Variants in TXNRD1 observed in about 807,000 individuals in gnomAD.
TXNRD1 encodes thioredoxin reductase 1, cytoplasmic.
Under a neutral mutation model 80.3 loss-of-function variants are expected in TXNRD1, and 57 were observed. The observed-to-expected ratio is 0.71, with a 90% CI of 0.57 to 0.89. The LOEUF is 0.89. Ranked by LOEUF, TXNRD1 falls within the 40% of genes least tolerant of loss-of-function variation. The pLI is 0.00. For missense variants in TXNRD1, 730 were observed against 803.0 expected, an observed-to-expected ratio of 0.91 and a Z score of 1.10; for synonymous variants, 291 against 285.2, an observed-to-expected ratio of 1.02 and a Z score of -0.20.
chr12:104,313,203 A>G (rs2035201619), intron 5 of TXNRD1, 42 bp from the exon 6 acceptor site: 12 of 1,484,800 alleles, frequency 8.1e-6, no homozygotes, highest in South Asian at 3.7e-5. Context: ...CCAATCTGTC[A>G]TGTTAACCTT....
chr12:104,308,100 A>G (rs760469537), intron 4 of TXNRD1, among the ~76,000 whole-genome samples: 3 of 150,696 alleles, frequency 2.0e-5, no homozygotes, highest in Non-Finnish European at 4.4e-5. Flanking sequence ...GGTTCACGCC[A>G]TTCTCCTGCC....
intron 2 of TXNRD1, among the ~76,000 whole-genome samples, chr12:104,254,823 A>G (rs957901360): frequency 6.6e-6 from 1 of 151,024 alleles, no homozygotes; most frequent in Non-Finnish European, 1.5e-5. Context: ...AAATAAATAC[A>G]TATGGGCGCA....
chr12:104,331,679 T>TA, intron 14 of TXNRD1, 38 bp downstream of exon 14: 1 of 1,351,538 alleles, frequency 7.4e-7, no homozygotes, highest in Non-Finnish European at 1.0e-6. Flanking sequence ...GTTATATCAC[T>TA]ACTTTTTTTT....
At chr12:104,236,894 T>G (rs977126193) in intron 1 of TXNRD1, among the ~76,000 whole-genome samples, 4 of 152,076 alleles carry the variant, frequency 2.6e-5, no homozygotes, top group African/African-American at 9.7e-5. Context: ...GGAAAAAGGC[T>G]CTTTTCTTCT....
rs57917719 is a variant in TXNRD1 at position 104,257,403 on chromosome 12, CTT to C, written c.244-596_244-595del. The stretch of plus-strand genomic sequence containing the variant: ...TTTGGAAACATTAAGTGTTCCAATG[CTT>C]TTTTTTTTTTTTTTTTTTTGAAACA... On this transcript the variant is annotated intron_variant, in intron 2 of 16. Coordinates refer to ENST00000525566, the MANE Select transcript of TXNRD1 (RefSeq NM_001093771.3). Among the ~76,000 whole-genome samples, 456 of 76,996 alleles carry C rather than the reference CTT, an allele frequency of 5.9e-3. 3 individuals carry two copies. The highest frequency in any genetic ancestry group is 0.015 in the African/African-American group (308 of 20,524). 50.5% of individuals were successfully genotyped at this position (76,996 alleles called of 152,430 possible). A position where few individuals can be genotyped will look rare whatever the true frequency, so the allele number is the denominator to read the frequency against.
chr12:104,334,192 A>G, intron 14 of TXNRD1, 45 bp from the exon 15 acceptor site: 2 of 983,244 alleles, frequency 2.0e-6, no homozygotes, highest in South Asian at 1.8e-5. Context: ...GACAGACTTA[A>G]TGTTTAAAAT....
intron 1 of TXNRD1, 117 bp downstream of exon 1, chr12:104,216,010 GTGAC>G (rs1366646652): frequency 7.3e-6 from 6 of 824,812 alleles, no homozygotes; most frequent in Admixed American, 6.1e-5. Context: ...ACTGGAGTCA[GTGAC>G]TGACCGCGCG....
chr12:104,284,142 A>G (rs575993338), intron 3 of TXNRD1: 1 of 152,330 alleles, frequency 6.6e-6, no homozygotes, highest in East Asian at 1.9e-4. Flanking sequence ...TACGTGTGAA[A>G]TGGTCATTTT....
At chr12:104,303,989 G>A in intron 4 of TXNRD1, 1 of 1,608,664 alleles carries the variant, frequency 6.2e-7, no homozygotes. Flanking sequence ...CCTCAGCTCT[G>A]GGGAGGCCGA....
At chr12:104,342,432 G>A (rs2036357198) in intron 16 of TXNRD1, among the ~76,000 whole-genome samples, 1 of 152,212 alleles carries the variant, frequency 6.6e-6, no homozygotes, top group Admixed American at 6.5e-5. Context: ...CAGGATGGAA[G>A]ACCAAATACA....
chr12:104,331,417 TA>T, intron 13 of TXNRD1, 116 bp from the exon 14 acceptor site: 1 of 577,734 alleles, frequency 1.7e-6, no homozygotes, highest in Non-Finnish European at 3.1e-6. Context: ...AGACTTCACA[TA>T]CTTTGGTAGA....
intron 3 of TXNRD1, among the ~76,000 whole-genome samples, chr12:104,269,764 T>C (rs1319838530): frequency 6.6e-6 from 1 of 151,926 alleles, no homozygotes; most frequent in Non-Finnish European, 1.5e-5. Context: ...AGAGACAGGG[T>C]TTTATCATGT....
At chr12:104,254,965 C>A (rs886134122) in intron 2 of TXNRD1, among the ~76,000 whole-genome samples, 1 of 151,792 alleles carries the variant, frequency 6.6e-6, no homozygotes, top group African/African-American at 2.4e-5. Flanking sequence ...ATTAGCCAGG[C>A]ATGGTGGTGA....
chr12:104,218,973 TCACTCTG>T (rs2032284923), intron 1 of TXNRD1, among the ~76,000 whole-genome samples: 1 of 152,222 alleles, frequency 6.6e-6, no homozygotes, highest in Non-Finnish European at 1.5e-5. Context: ...GAGATGGGTC[TCACTCTG>T]TTGCCTAGAT....
intron 4 of TXNRD1, among the ~76,000 whole-genome samples, chr12:104,310,300 C>T (rs1194671488): frequency 6.6e-6 from 1 of 152,094 alleles, no homozygotes; most frequent in Non-Finnish European, 1.5e-5. Context: ...CAGGCACCCG[C>T]CACTACACCT....
chr12:104,326,498 T>G, intron 12 of TXNRD1, 75 bp downstream of exon 12: 1 of 923,638 alleles, frequency 1.1e-6, no homozygotes, highest in Non-Finnish European at 1.6e-6. Flanking sequence ...GGAGTTTCTC[T>G]CTTGTCTCCC....
Position 104,215,894 on chromosome 12 carries a change from G to A in TXNRD1, c.91+1G>A. ...AACGGCGATGGCCGCCGTAGGTCAG[G>A]TACGACCGAGGGCGAAGGCCTGGTC... On this transcript the variant is annotated splice_donor_variant, in intron 1 of 16. Coordinates refer to ENST00000525566, the MANE Select transcript of TXNRD1 (RefSeq NM_001093771.3). LOFTEE classifies it high-confidence loss of function. 6.4e-7 allele frequency: 1 copy of A among 1,553,186 alleles called. No homozygotes were observed.
At chr12:104,267,176 A>AT (rs1565869650) in intron 3 of TXNRD1, among the ~76,000 whole-genome samples, 26 of 95,886 alleles carry the variant, frequency 2.7e-4, no homozygotes, top group South Asian at 6.4e-4. Context: ...AAAAAAAAAA[A>AT]AAAATAATAT....
chr12:104,216,689 A>G (rs2032222525), intron 1 of TXNRD1, among the ~76,000 whole-genome samples: 1 of 152,208 alleles, frequency 6.6e-6, no homozygotes, highest in Non-Finnish European at 1.5e-5. Flanking sequence ...TACCCAAAGC[A>G]CACAACTAGT....
Sources: allele counts gnomAD v4.1 joint callset (sites outside exome capture counted in the v4.1 genomes callset), GRCh38; gene constraint gnomAD v4.1.1; transcripts MANE v1.5; gene names NCBI Gene and HGNC (gene_info 2026-07-23, HGNC 2026-07-21).